The following CCDC39 variants were observed in gnomAD, a reference collection of about 807,000 sequenced individuals.
The protein encoded by CCDC39 is coiled-coil domain 39 molecular ruler complex subunit, also known as coiled-coil domain-containing protein 39.
Under a neutral mutation model 121.0 loss-of-function variants are expected in CCDC39, and 113 were observed. The observed-to-expected ratio is 0.93, with a 90% CI of 0.80 to 1.09. The LOEUF is 1.09. CCDC39 is among the 50% of genes least tolerant of loss of function. CCDC39 has a pLI of 0.00. For synonymous variants in CCDC39, 349 were observed against 352.2 expected (o/e 0.99, Z 0.10); for missense variants, 1,063 against 1,074.7 (o/e 0.99, Z 0.15).
intron 14 of CCDC39, among the ~76,000 whole-genome samples, chr3:180,631,145 A>G (rs147535013): frequency 1.5e-3 from 224 of 152,322 alleles, no homozygotes; most frequent in African/African-American, 5.1e-3. Context: ...GTGTCAAAGA[A>G]TGGTCAAGTA....
intron 7 of CCDC39, among the ~76,000 whole-genome samples, chr3:180,653,800 C>G (rs1397088900): frequency 1.3e-5 from 2 of 152,088 alleles, no homozygotes; most frequent in African/African-American, 4.8e-5. Context: ...ATGTGTAGGT[C>G]CCTTATATAA....
Position 180,647,108 on chromosome 3 carries a change from G to C in CCDC39, c.1498C>G (p.Leu500Val). 6.2e-7 allele frequency: 1 copy of C among 1,608,196 alleles called. No homozygotes were observed. Among genetic ancestry groups the C allele is most frequent in the Non-Finnish European group, 8.5e-7 (1 of 1,178,170 alleles). Residue 500 changes from leucine (L) to valine (V), a missense_variant, in exon 11 of 20, where the codon CTT (leucine) becomes GTT (valine). Transcript: ENST00000476379. ...SLEEKKSTCG[L>V]LETQIKKLHN... Reference sequence around the variant, plus strand: ...AGCTTCTTGATCTGTGTTTCCAAAAGGCCACATGTAGATTTTTTCTCTTCC... The same window carrying C: ...AGCTTCTTGATCTGTGTTTCCAAAACGCCACATGTAGATTTTTTCTCTTCC...
At chr3:180,651,777 C>T (rs529112820) in intron 8 of CCDC39, among the ~76,000 whole-genome samples, 4 of 152,046 alleles carry the variant, frequency 2.6e-5, no homozygotes, top group Admixed American at 6.5e-5. Context: ...GTGGCTCACG[C>T]CTGTAATCCC....
At chr3:180,629,040 T>C (rs1717633003) in intron 14 of CCDC39, among the ~76,000 whole-genome samples, 1 of 152,236 alleles carries the variant, frequency 6.6e-6, no homozygotes, top group Middle Eastern at 3.2e-3. Context: ...TAACTTCTAA[T>C]TGGCAAGGTT....
chr3:180,652,118 T>C (rs936158953), intron 8 of CCDC39, 45 bp downstream of exon 8: 11 of 990,118 alleles, frequency 1.1e-5, no homozygotes, highest in East Asian at 5.5e-5. Flanking sequence ...TTTCTAGATA[T>C]AGTAAAAAAT....
chr3:180,644,811 T>G (rs1718034875), intron 11 of CCDC39, among the ~76,000 whole-genome samples: 1 of 152,164 alleles, frequency 6.6e-6, no homozygotes, highest in Admixed American at 6.5e-5. Context: ...TTTTTCTGAG[T>G]ATTTTCAATC....
intron 9 of CCDC39, among the ~76,000 whole-genome samples, chr3:180,650,557 G>A (rs1718176091): frequency 6.6e-6 from 1 of 152,068 alleles, no homozygotes; most frequent in East Asian, 1.9e-4. Flanking sequence ...CAGTGGGGGA[G>A]CTACTTTTTT....
intron 9 of CCDC39, among the ~76,000 whole-genome samples, chr3:180,649,393 T>C (rs1354130284): frequency 6.6e-6 from 1 of 152,228 alleles, no homozygotes; most frequent in African/African-American, 2.4e-5. Context: ...AATTTGCCTA[T>C]GTGATCTTAT....
chr3:180,661,785 A>C, intron 3 of CCDC39, 76 bp downstream of exon 3: 3 of 1,388,134 alleles, frequency 2.2e-6, no homozygotes, highest in Non-Finnish European at 2.9e-6. Flanking sequence ...ATACAAGAAA[A>C]AAAAAAGTCA....
At chr3:180,620,026 GC>G in intron 14 of CCDC39, 56 bp from the exon 15 acceptor site, 3 of 1,362,796 alleles carry the variant, frequency 2.2e-6, no homozygotes, top group South Asian at 3.0e-5. Flanking sequence ...GGGAAGAAAT[GC>G]CTAATGGCTG....
intron 9 of CCDC39, among the ~76,000 whole-genome samples, chr3:180,650,489 T>G (rs533850596): frequency 6.6e-6 from 1 of 152,246 alleles, no homozygotes; most frequent in South Asian, 2.1e-4. Flanking sequence ...AATAGATATA[T>G]GGATGATGGC....
intron 8 of CCDC39, among the ~76,000 whole-genome samples, chr3:180,651,755 T>A (rs1711499828): frequency 1.3e-5 from 2 of 152,122 alleles, no homozygotes; most frequent in Non-Finnish European, 2.9e-5. Context: ...ACGTAGTAGC[T>A]GGCCAGGCGC....
intron 14 of CCDC39, among the ~76,000 whole-genome samples, chr3:180,626,380 A>G (rs1717561788): frequency 6.6e-6 from 1 of 152,094 alleles, no homozygotes; most frequent in Non-Finnish European, 1.5e-5. Context: ...GTGACAGTCA[A>G]AGGTGGGGTG....
chr3:180,651,901 C>G (rs898934879), intron 8 of CCDC39, among the ~76,000 whole-genome samples: 2 of 151,914 alleles, frequency 1.3e-5, no homozygotes, highest in Non-Finnish European at 2.9e-5. Context: ...GCTGGGCCTG[C>G]TGGCGGGCAC....
intron 13 of CCDC39, among the ~76,000 whole-genome samples, chr3:180,641,124 T>G (rs912394632): frequency 1.4e-4 from 22 of 152,198 alleles, no homozygotes; most frequent in African/African-American, 5.3e-4. Flanking sequence ...GGTTTGACTT[T>G]GAAAAATTGA....
rs369208682 is a variant in CCDC39 at position 180,642,158 on chromosome 3, C to T, written c.1709G>A (p.Arg570His). ...EDNLLKLEVK[R>H]TREMLHSKAE... The stretch of plus-strand genomic sequence containing the variant: ...CTTACTGTGAAGCATTTCTCGAGTA[C>T]GCTTAACTTCAAGTTTTAAAAGATT... Residue 570 changes from arginine (R) to histidine (H), a missense_variant, in exon 13 of 20, where the codon CGT becomes CAT. Arg to His is a conservative substitution (Grantham distance 29). Transcript: ENST00000476379. 6.8e-6 allele frequency: 11 copies of T among 1,609,154 alleles called. No homozygotes were observed. Among genetic ancestry groups the T allele is most frequent in the African/African-American group, 4.0e-5 (3 of 74,772 alleles).
At chr3:180,671,202 C>A (rs1336317693) in intron 1 of CCDC39, among the ~76,000 whole-genome samples, 1 of 132,976 alleles carries the variant, frequency 7.5e-6, no homozygotes, top group African/African-American at 3.0e-5. Flanking sequence ...CAGAGCAAGA[C>A]TCTGTGTCAA....
chr3:180,677,624 A>C (rs940772880), intron 1 of CCDC39, among the ~76,000 whole-genome samples: 1 of 152,112 alleles, frequency 6.6e-6, no homozygotes, highest in African/African-American at 2.4e-5. Context: ...CTTGTGATCA[A>C]GTAATATTTA....
At position 180,672,587 on chromosome 3, in the gene CCDC39, G is replaced by A. The variant is rs191366363; in HGVS notation, c.90+6704C>T. ...TCATCCTGGATGATGACAGAATAAGGCTCCATCTCAAACAAACAAAAAATT... is the reference window on the plus strand; with the variant it reads ...TCATCCTGGATGATGACAGAATAAGACTCCATCTCAAACAAACAAAAAATT... On this transcript the variant is annotated intron_variant, in intron 1 of 19. Coordinates refer to ENST00000476379, the MANE Select transcript of CCDC39 (RefSeq NM_181426.2). Among the ~76,000 whole-genome samples, 51 of 152,188 alleles carry A rather than the reference G, an allele frequency of 3.4e-4. 1 individual carries two copies. In the East Asian group the frequency reaches 8.7e-3, roughly 26 times the overall value.
Sources: allele counts gnomAD v4.1 joint callset (sites outside exome capture counted in the v4.1 genomes callset), GRCh38; gene constraint gnomAD v4.1.1; transcripts MANE v1.5; gene names NCBI Gene and HGNC (gene_info 2026-07-23, HGNC 2026-07-21).